The following EYS variants were observed in gnomAD, a reference collection of about 807,000 sequenced individuals.
The protein encoded by EYS is EGF-like photoreceptor maintenance factor, also known as protein eyes shut homolog.
A neutral mutation model predicts 282.1 loss-of-function variants in EYS; 250 were observed. The ratio of observed to expected loss-of-function variants is 0.89; its 90% CI spans 0.80 to 0.98. The LOEUF is 0.98. Among genes scored for constraint, EYS ranks in the 50% least tolerant of loss-of-function variants. The pLI, the probability that EYS is intolerant of heterozygous loss-of-function variation, is 0.00. For missense variants in EYS, 4,016 were observed against 3,709.0 expected, an observed-to-expected ratio of 1.08 and a Z score of -2.15; for synonymous variants, 1,355 against 1,282.9, an observed-to-expected ratio of 1.06 and a Z score of -1.20.
Position 63,720,663 on chromosome 6 carries a change from T to A in EYS, c.9368A>T (p.Asn3123Ile), listed in dbSNP as rs1420530149. ...TCCTTCTAATTTAATTAGTTCAATG[T>A]TTTTTGGTTCCTGAAAAAATACAAC... The part of the protein sequence containing the change: ...KDVVFFQEPK[N>I]IELIKLEGYN... The change falls in exon 43 of 43, where the codon AAC becomes ATC. Residue 3123 changes from asparagine to isoleucine, a missense_variant. Coordinates refer to ENST00000503581, the MANE Select transcript of EYS (RefSeq NM_001142800.2). The A allele has an allele frequency of 1.9e-6, 3 of 1,540,688 alleles. No homozygotes were observed. Among genetic ancestry groups the A allele is most frequent in the Non-Finnish European group, 1.8e-6 (2 of 1,142,242 alleles).
chr6:64,180,262 A>G (rs1490949953), intron 31 of EYS, among the ~76,000 whole-genome samples: 1 of 152,102 alleles, frequency 6.6e-6, no homozygotes, highest in East Asian at 1.9e-4. Flanking sequence ...AAAGTTTTAT[A>G]CTTTGCAGGC....
At chr6:65,063,183 A>G (rs1000629630) in intron 12 of EYS, among the ~76,000 whole-genome samples, 2 of 152,014 alleles carry the variant, frequency 1.3e-5, no homozygotes, top group Non-Finnish European at 2.9e-5. Flanking sequence ...TTCTGAAATT[A>G]TATGTAAATG....
intron 1 of EYS, among the ~76,000 whole-genome samples, chr6:65,657,679 G>A (rs1441511839): frequency 3.3e-5 from 5 of 151,800 alleles, no homozygotes; most frequent in African/African-American, 1.2e-4. Flanking sequence ...GCTGTGAACA[G>A]CGTTGAAATA....
At chr6:63,993,463 C>A (rs914656875) in intron 34 of EYS, among the ~76,000 whole-genome samples, 1 of 151,596 alleles carries the variant, frequency 6.6e-6, no homozygotes, top group African/African-American at 2.4e-5. Context: ...CTGTTAGAGC[C>A]AACAAATTTA....
chr6:65,073,892 G>T (rs1773970925), intron 12 of EYS, among the ~76,000 whole-genome samples: 1 of 151,912 alleles, frequency 6.6e-6, no homozygotes, highest in Non-Finnish European at 1.5e-5. Context: ...CTGCCACCTA[G>T]AAATGAACAC....
chr6:64,717,272 C>T (rs1282149386), intron 22 of EYS, among the ~76,000 whole-genome samples: 2 of 152,142 alleles, frequency 1.3e-5, no homozygotes, highest in Non-Finnish European at 2.9e-5. Context: ...TATGAGTCTG[C>T]AAGCAATTGA....
chr6:64,010,090 C>T (rs1317553725), intron 33 of EYS, among the ~76,000 whole-genome samples: 1 of 152,156 alleles, frequency 6.6e-6, no homozygotes, highest in Non-Finnish European at 1.5e-5. Context: ...CTGGCTTTTT[C>T]TCTCTGGCCC....
At chr6:64,826,509 T>G (rs1205979034) in intron 19 of EYS, among the ~76,000 whole-genome samples, 2 of 151,710 alleles carry the variant, frequency 1.3e-5, no homozygotes, top group African/African-American at 4.8e-5. Flanking sequence ...CTAGTCCGCC[T>G]CAACATCTGC....
At chr6:64,373,311 TCCACTCCTGGGTCTTG>T (rs1772447270) in intron 29 of EYS, among the ~76,000 whole-genome samples, 1 of 152,202 alleles carries the variant, frequency 6.6e-6, no homozygotes, top group Admixed American at 6.5e-5. Context: ...TCACTTCTAG[TCCACTCCTGGGTCTTG>T]GAGGAGCCCT....
chr6:64,255,076 A>G (rs964982102), intron 30 of EYS, among the ~76,000 whole-genome samples: 3 of 152,126 alleles, frequency 2.0e-5, no homozygotes, highest in African/African-American at 7.2e-5. Flanking sequence ...TTGCTATAGA[A>G]AGATGGAAGG....
chr6:65,591,646 C>A (rs1765237798), intron 2 of EYS, among the ~76,000 whole-genome samples: 1 of 151,846 alleles, frequency 6.6e-6, no homozygotes, highest in Non-Finnish European at 1.5e-5. Context: ...GTTATATTCA[C>A]CCACACATTA....
At chr6:63,805,830 C>T (rs909804546) in intron 37 of EYS, among the ~76,000 whole-genome samples, 2 of 152,178 alleles carry the variant, frequency 1.3e-5, no homozygotes, top group Non-Finnish European at 2.9e-5. Context: ...GAAGAAAGTA[C>T]TCTGCTTCCT....
intron 26 of EYS, among the ~76,000 whole-genome samples, chr6:64,493,765 A>T (rs950038991): frequency 2.6e-5 from 4 of 151,518 alleles, no homozygotes; most frequent in African/African-American, 9.7e-5. Context: ...TTCAGACTGG[A>T]CTCAACATCA....
chr6:65,513,356 G>C (rs1477734222), intron 2 of EYS, among the ~76,000 whole-genome samples: 2 of 152,064 alleles, frequency 1.3e-5, no homozygotes, highest in South Asian at 2.1e-4. Flanking sequence ...AATTCTACCA[G>C]AGGTACAAGG....
chr6:64,087,990 T>C (rs1029725342), intron 31 of EYS, among the ~76,000 whole-genome samples: 1 of 152,074 alleles, frequency 6.6e-6, no homozygotes, highest in Non-Finnish European at 1.5e-5. Context: ...GCCTACTTTC[T>C]GGCTCACACA....
intron 14 of EYS, among the ~76,000 whole-genome samples, chr6:64,958,979 A>G (rs571249637): frequency 6.6e-6 from 1 of 152,252 alleles, no homozygotes; most frequent in South Asian, 2.1e-4. Context: ...TGTAGGTTAT[A>G]GTTCCTTGAT....
In EYS at chr6:63,877,281, A is replaced by T. The variant is rs1453315163; in HGVS notation, c.7056-12923T>A. On this transcript the variant is annotated intron_variant, in intron 35 of 42. Transcript: ENST00000503581. ...TGGGTTGAACATTCTTTTCCTTAAG[A>T]ATGTTGAATATTGGCCCCCACTCTC... Among the ~76,000 whole-genome samples the T allele has an allele frequency of 6.6e-5, 10 of 152,164 alleles. 1 individual carries two copies. Among genetic ancestry groups the T allele is most frequent in the Non-Finnish European group, 1.3e-4 (9 of 68,034 alleles).
intron 23 of EYS, among the ~76,000 whole-genome samples, chr6:64,619,562 C>T (rs1222454907): frequency 1.3e-5 from 2 of 152,174 alleles, no homozygotes; most frequent in African/African-American, 4.8e-5. Flanking sequence ...CTGTCTCTTA[C>T]TGAAGTTAGG....
chr6:63,759,009 T>C (rs1318533225), intron 41 of EYS, among the ~76,000 whole-genome samples: 1 of 152,092 alleles, frequency 6.6e-6, no homozygotes. Flanking sequence ...TGACTCAGTA[T>C]ATAAAACATT....
Sources: gnomAD v4.1 joint callset for allele counts (sites outside exome capture counted in the v4.1 genomes callset) on GRCh38, gnomAD v4.1.1 for gene constraint, MANE v1.5 for transcripts, NCBI Gene and HGNC (gene_info 2026-07-23, HGNC 2026-07-21) for gene names.